The following PLEKHG1 variants were observed in gnomAD, a reference collection of about 807,000 sequenced individuals.
PLEKHG1 encodes the protein pleckstrin homology and RhoGEF domain containing G1.
In PLEKHG1, 44 loss-of-function variants were observed where a neutral mutation model predicts 100.8. That is an observed-to-expected ratio of 0.44 (90% CI 0.34 to 0.56). PLEKHG1 has a LOEUF of 0.56. Ranked by LOEUF, PLEKHG1 falls within the 20% of genes least tolerant of loss-of-function variation. The probability of loss-of-function intolerance (pLI) is 0.01; values close to 1 mark genes in which losing one functional copy is unlikely to be tolerated. For missense variants in PLEKHG1, 1,545 were observed against 1,720.9 expected, an observed-to-expected ratio of 0.90 and a Z score of 1.81; for synonymous variants, 640 against 662.5, an observed-to-expected ratio of 0.97 and a Z score of 0.52.
intron 3 of PLEKHG1, among the ~76,000 whole-genome samples, chr6:150,708,569 C>T (rs760988843): frequency 4.6e-5 from 7 of 152,216 alleles, no homozygotes; most frequent in Non-Finnish European, 8.8e-5. Flanking sequence ...CTTCTAGTCT[C>T]ACTCACCCAA....
chr6:150,801,437 C>CTTTTTTTTTTT (rs35282307), intron 6 of PLEKHG1, among the ~76,000 whole-genome samples: 1 of 108,786 alleles, frequency 9.2e-6, no homozygotes, highest in Admixed American at 1.0e-4. Context: ...CTTTTCTTTT[C>CTTTTTTTTTTT]TTTTTTTTTT....
rs545844454 is a variant in PLEKHG1, at chr6:150,813,177, T to C, written c.1278+3443T>C. Among the ~76,000 whole-genome samples, 416 of 151,640 alleles carry C rather than the reference T, an allele frequency of 2.7e-3. 1 individual carries two copies. Among genetic ancestry groups the C allele is most frequent in the African/African-American group, 8.8e-3 (365 of 41,348 alleles). ...AAAATTAGCTAGGCGTGGTGGCGGG[T>C]GCCTGTAGTCCCAGCTACGCGGGAG... On this transcript the variant is annotated intron_variant, in intron 10 of 15. Coordinates refer to ENST00000358517, the Ensembl canonical transcript of PLEKHG1.
chr6:150,754,441 T>G (rs1783703282), intron 2 of PLEKHG1, among the ~76,000 whole-genome samples: 1 of 151,988 alleles, frequency 6.6e-6, no homozygotes, highest in Admixed American at 6.6e-5. Context: ...GTTAGATAGG[T>G]TTGAAAAGTT....
intron 1 of PLEKHG1, among the ~76,000 whole-genome samples, chr6:150,620,732 C>G (rs1469601559): frequency 6.6e-6 from 1 of 152,202 alleles, no homozygotes; most frequent in Admixed American, 6.5e-5. Flanking sequence ...AGGCATCAAT[C>G]AGTTGCACCA....
At chr6:150,679,106 G>A (rs1186808183) in intron 3 of PLEKHG1, among the ~76,000 whole-genome samples, 4 of 152,190 alleles carry the variant, frequency 2.6e-5, no homozygotes, top group African/African-American at 7.2e-5. Context: ...CCATAATGAT[G>A]TATGGTAGCC....
At position 150,625,921 on chromosome 6, in the gene PLEKHG1, G is replaced by C. The variant is rs1223141467; in HGVS notation, c.-203-12159G>C. The stretch of plus-strand genomic sequence containing the variant: ...CCATGACAGACACAACTGGATATTA[G>C]ATGATGTTATGGAATTCTTGGTACT... On this transcript the variant is annotated intron_variant, in intron 1 of 3. Transcript: ENST00000367326. 5 of 152,202 alleles carry C rather than the reference G, an allele frequency of 3.3e-5. No homozygotes were observed. The East Asian group carries it at 9.6e-4, about 29-fold the overall frequency. 9.4% of individuals were successfully genotyped at this position (152,202 alleles called of 1,614,324 possible). A position where few individuals can be genotyped will look rare whatever the true frequency, so the allele number is the denominator to read the frequency against.
rs756355880 is a variant in PLEKHG1, at chr6:150,674,632, C to CCTCTCTCTCTCT, written c.-99+23886_-99+23897dup. On this transcript the variant is annotated intron_variant, in intron 3 of 3. Transcript: ENST00000367326. ...CACCTGTAACTTTCTCTCTCTCCTC[C>CCTCTCTCTCTCT]CTCTCTCTCTCTCTCTCTCTCTCTC... 2.1e-3 allele frequency among the ~76,000 whole-genome samples: 142 copies of CCTCTCTCTCTCT among 66,252 alleles called. 1 individual carries two copies. The highest frequency in any genetic ancestry group is 4.4e-3 in the African/African-American group (64 of 14,642). 43.5% of individuals were successfully genotyped at this position (66,252 alleles called of 152,430 possible).
At chr6:150,807,398 CT>C (rs1165583204) in intron 7 of PLEKHG1, among the ~76,000 whole-genome samples, 1 of 152,188 alleles carries the variant, frequency 6.6e-6, no homozygotes, top group Non-Finnish European at 1.5e-5. Flanking sequence ...CTAAATCAGA[CT>C]CTGGCTCAAA....
At chr6:150,813,174 G>A (rs577214587) in intron 10 of PLEKHG1, among the ~76,000 whole-genome samples, 216 of 152,074 alleles carry the variant, frequency 1.4e-3, no homozygotes, top group African/African-American at 4.8e-3. Context: ...GCGTGGTGGC[G>A]GGTGCCTGTA....
At chr6:150,601,299 C>T (rs1776349405) in intron 1 of PLEKHG1, among the ~76,000 whole-genome samples, 2 of 152,134 alleles carry the variant, frequency 1.3e-5, no homozygotes, top group Non-Finnish European at 2.9e-5. Context: ...TTTCCAAGCC[C>T]ATCATTTCAG....
At chr6:150,806,145 T>C (rs1787077522) in intron 7 of PLEKHG1, among the ~76,000 whole-genome samples, 1 of 150,572 alleles carries the variant, frequency 6.6e-6, no homozygotes, top group Non-Finnish European at 1.5e-5. Flanking sequence ...AGGTTTCAGG[T>C]ATAGGCAGCC....
rs1776324691 is a variant in PLEKHG1 at position 150,600,845 on chromosome 6, C to T, written c.-204+828C>T. On this transcript the variant is annotated intron_variant, in intron 1 of 3. Transcript: ENST00000367326. The surrounding 1 kb of genome is among the most constrained non-coding windows in gnomAD (Gnocchi z 6.2). Reference sequence around the variant, plus strand: ...CATTCCGCTCCTCGGAAACAATGAGCTGGATCCTTGACTTGAATGTGCTGG... The same window carrying T: ...CATTCCGCTCCTCGGAAACAATGAGTTGGATCCTTGACTTGAATGTGCTGG... 1 of 152,230 alleles carries T rather than the reference C, an allele frequency of 6.6e-6. No individual in the cohort carries two copies. Among genetic ancestry groups the T allele is most frequent in the Non-Finnish European group, 1.5e-5 (1 of 68,052 alleles). The allele number at this position is 152,230 out of a possible 1,614,324, so 9.4% of individuals were successfully genotyped here.
chr6:150,817,672 C>G (rs1326755435), intron 10 of PLEKHG1, among the ~76,000 whole-genome samples: 1 of 151,538 alleles, frequency 6.6e-6, no homozygotes, highest in Admixed American at 6.6e-5. Flanking sequence ...ATTCTCCTGC[C>G]TCAGCCTCCC....
chr6:150,608,788 G>A (rs1181437108), intron 1 of PLEKHG1, among the ~76,000 whole-genome samples: 1 of 152,180 alleles, frequency 6.6e-6, no homozygotes, highest in African/African-American at 2.4e-5. Flanking sequence ...GTTGAAATGC[G>A]GGAATAGTGT....
intron 2 of PLEKHG1, among the ~76,000 whole-genome samples, chr6:150,759,121 G>A (rs1784012485): frequency 6.6e-6 from 1 of 152,186 alleles, no homozygotes; most frequent in African/African-American, 2.4e-5. Flanking sequence ...CAAGAAATGG[G>A]ATGTCTTAAA....
intron 15 of PLEKHG1, among the ~76,000 whole-genome samples, chr6:150,836,982 C>A (rs1037288168): frequency 6.6e-6 from 1 of 151,906 alleles, no homozygotes; most frequent in Non-Finnish European, 1.5e-5. Context: ...GCTAACATGG[C>A]AAAACCCTGT....
At chr6:150,839,537 A>G (rs1777405162) in intron 15 of PLEKHG1, among the ~76,000 whole-genome samples, 1 of 152,222 alleles carries the variant, frequency 6.6e-6, no homozygotes, top group Non-Finnish European at 1.5e-5. Flanking sequence ...TATAAAGAAC[A>G]CTAGAAACTT....
chr6:150,633,639 G>T (rs913345380), intron 1 of PLEKHG1, among the ~76,000 whole-genome samples: 2 of 152,202 alleles, frequency 1.3e-5, no homozygotes, highest in African/African-American at 4.8e-5. Context: ...GGTGCAGAGG[G>T]TAGAAGCCTG....
chr6:150,657,310 G>A (rs1167605035), intron 3 of PLEKHG1, among the ~76,000 whole-genome samples: 1 of 152,162 alleles, frequency 6.6e-6, no homozygotes, highest in Non-Finnish European at 1.5e-5. Context: ...TGAAGGCAAA[G>A]ATACAAGGCT....
Sources: allele counts gnomAD v4.1 joint callset (sites outside exome capture counted in the v4.1 genomes callset), GRCh38; gene constraint gnomAD v4.1.1; non-coding constraint Gnocchi (gnomAD v3.1); transcripts MANE v1.5; gene names NCBI Gene and HGNC (gene_info 2026-07-23, HGNC 2026-07-21).